Variants in DDX60 observed in about 807,000 individuals in gnomAD.
DDX60 encodes probable ATP-dependent RNA helicase DDX60.
A neutral mutation model predicts 212.8 loss-of-function variants in DDX60; 165 were observed. The ratio of observed to expected loss-of-function variants is 0.78; its 90% CI spans 0.68 to 0.88. The LOEUF is 0.88. DDX60 is among the 40% of genes least tolerant of loss of function. The pLI, the probability that DDX60 is intolerant of heterozygous loss-of-function variation, is 0.00. For synonymous variants in DDX60, 703 were observed against 685.3 expected (o/e 1.03, Z -0.40); for missense variants, 1,905 against 2,003.9 (o/e 0.95, Z 0.94).
rs550625 is a variant in DDX60, at chr4:168,276,146, C to T, written c.2014G>A (p.Val672Met). The change falls in exon 15 of 38, where the codon GTG (valine) becomes ATG (methionine). Residue 672 changes from valine to methionine, a missense_variant. Physicochemically the swap from Val to Met is conservative, Grantham distance 21. Transcript: ENST00000393743. Reference sequence around the variant, plus strand: ...ATCAAGGAGTGGATCCTTTTCATCACCTGAACAGCTATACTTAAATCTTTC... The same window carrying T: ...ATCAAGGAGTGGATCCTTTTCATCATCTGAACAGCTATACTTAAATCTTTC... The part of the protein sequence containing the change: ...TTKDLSIAVQ[V>M]MKRIHSLMEK... The T allele has an allele frequency of 0.077, 123,859 of 1,611,760 alleles. 5,784 individuals are homozygous for T. The highest frequency in any genetic ancestry group is 0.19 in the African/African-American group (14,240 of 74,842).
chr4:168,297,366 GAAAGAAAGAAA>G (rs1736432788), intron 6 of DDX60, among the ~76,000 whole-genome samples: 1 of 54,112 alleles, frequency 1.8e-5, no homozygotes, highest in Non-Finnish European at 3.4e-5. Flanking sequence ...AAGAAAGAAA[GAAAGAAAGAAA>G]GAAAGAGAAA....
intron 3 of DDX60, 61 bp from the exon 4 acceptor site, chr4:168,308,256 C>A: frequency 1.9e-6 from 2 of 1,026,710 alleles, no homozygotes; most frequent in Non-Finnish European, 2.8e-6. Flanking sequence ...TCCAAAAAGG[C>A]ATCGTTCTTA....
intron 4 of DDX60, 75 bp downstream of exon 4, chr4:168,307,931 A>AAT: frequency 6.0e-6 from 5 of 839,008 alleles, no homozygotes; most frequent in South Asian, 7.7e-5. Context: ...TAATAAGAAA[A>AAT]ATATATATAT....
intron 22 of DDX60, among the ~76,000 whole-genome samples, 191 bp downstream of exon 22, chr4:168,267,391 A>C (rs752012388): frequency 1.3e-5 from 2 of 152,202 alleles, no homozygotes; most frequent in African/African-American, 2.4e-5. Flanking sequence ...GTATTCAGGC[A>C]TTGTTGAAGA....
chr4:168,291,080 A>G (rs1433674493), intron 8 of DDX60, among the ~76,000 whole-genome samples: 1 of 152,184 alleles, frequency 6.6e-6, no homozygotes, highest in African/African-American at 2.4e-5. Context: ...ACAACCATCA[A>G]AGTCTTCTTA....
intron 3 of DDX60, among the ~76,000 whole-genome samples, 194 bp downstream of exon 3, chr4:168,310,804 G>GA (rs1431242415): frequency 1.3e-5 from 2 of 152,106 alleles, no homozygotes; most frequent in East Asian, 1.9e-4. Context: ...CATGAATTTA[G>GA]AAAAAATATA....
intron 8 of DDX60, among the ~76,000 whole-genome samples, chr4:168,289,958 C>A (rs1736015913): frequency 6.6e-6 from 1 of 152,184 alleles, no homozygotes. Flanking sequence ...CTACAATGCA[C>A]TCTCTGCATT....
In DDX60 at chr4:168,283,696, T is replaced by C. The variant is rs1013320595; in HGVS notation, c.1562-90A>G. On this transcript the variant is annotated intron_variant, in intron 12 of 37. Transcript: ENST00000393743. Reference sequence around the variant, plus strand: ...TTCATATTATTCCACATCCAGTAGTTAAATTAGTGGAAAAGTAATTTAATC... The same window carrying C: ...TTCATATTATTCCACATCCAGTAGTCAAATTAGTGGAAAAGTAATTTAATC... 22 of 896,938 alleles carry C rather than the reference T, an allele frequency of 2.5e-5. No individual in the cohort carries two copies. The Admixed American group carries it at 6.5e-4, about 26-fold the overall frequency. 55.6% of individuals were successfully genotyped at this position (896,938 alleles called of 1,614,324 possible).
intron 16 of DDX60, 33 bp from the exon 17 acceptor site, chr4:168,274,116 A>G: frequency 6.2e-7 from 1 of 1,612,304 alleles, no homozygotes; most frequent in Non-Finnish European, 8.5e-7. Context: ...CATGTCAAGA[A>G]ACTGAACCGT....
At chr4:168,300,409 G>C (rs544012140) in intron 6 of DDX60, among the ~76,000 whole-genome samples, 1 of 151,870 alleles carries the variant, frequency 6.6e-6, no homozygotes, top group African/African-American at 2.4e-5. Context: ...GCATGGTGGC[G>C]GGCACCTGTA....
chr4:168,280,343 C>G lies in DDX60; in HGVS notation c.1970G>C (p.Ser657Thr). 1 of 1,610,720 alleles carries G rather than the reference C, an allele frequency of 6.2e-7. No individual in the cohort carries two copies. Among genetic ancestry groups the G allele is most frequent in the Middle Eastern group, 1.7e-4 (1 of 6,038 alleles). Residue 657 changes from serine to threonine, a missense_variant, in exon 14 of 38, where the codon AGT becomes ACT. By Grantham distance (58) the Ser-to-Thr change is moderately conservative. Transcript: ENST00000393743. ...CLKAWKEHCR[S>T]EEGKTTKDLS... ...AAAACAGAATTACATACCTTCTTCA[C>G]TTCGGCAATGTTCTTTCCAGGCTTT...
intron 6 of DDX60, among the ~76,000 whole-genome samples, chr4:168,300,497 GCCACTGCACT>G (rs1357612545): frequency 6.6e-6 from 1 of 151,826 alleles, no homozygotes; most frequent in Non-Finnish European, 1.5e-5. Context: ...CCGAGATCAT[GCCACTGCACT>G]CCAACCTGGG....
rs766476854 is a variant in DDX60, at chr4:168,308,171, A to G, written c.99T>C (p.Phe33=). The G allele has an allele frequency of 2.5e-6, 4 of 1,570,252 alleles. No individual in the cohort carries two copies. Among genetic ancestry groups the G allele is most frequent in the Non-Finnish European group, 3.5e-6 (4 of 1,152,492 alleles). The change falls in exon 4 of 38, where the codon TTT becomes TTC. Residue 33 remains phenylalanine, a synonymous_variant. Coordinates refer to ENST00000393743, the MANE Select transcript of DDX60 (RefSeq NM_017631.6). ...CAATCAAAAAAAATTCAGATTCAAC[A>G]AAATCATTGAATAAACTGGAATATC... ...KAEYSSLFND[F]VESEFFLIDG... is the part of the protein sequence containing the mutation.
chr4:168,223,027 C>T lies in DDX60; in HGVS notation c.4825-1146G>A, dbSNP rs143935889. Reference sequence around the variant, plus strand: ...AGTGACTTTCAGGTGACTGCAGTAACTATTCCTTCACTTTTCATAAAATTC... The same window carrying T: ...AGTGACTTTCAGGTGACTGCAGTAATTATTCCTTCACTTTTCATAAAATTC... On this transcript the variant is annotated intron_variant, in intron 35 of 37. Coordinates refer to ENST00000393743, the MANE Select transcript of DDX60 (RefSeq NM_017631.6). Among the ~76,000 whole-genome samples, 348 of 152,180 alleles carry T rather than the reference C, an allele frequency of 2.3e-3. 2 individuals carry two copies. Among genetic ancestry groups the T allele is most frequent in the African/African-American group, 7.5e-3 (310 of 41,552 alleles).
chr4:168,217,487 T>C (rs965835634), intron 37 of DDX60, among the ~76,000 whole-genome samples: 4 of 152,154 alleles, frequency 2.6e-5, no homozygotes, highest in Admixed American at 1.3e-4. Context: ...CAACAAGATA[T>C]GGTAAGCAGA....
intron 30 of DDX60, among the ~76,000 whole-genome samples, chr4:168,242,424 C>T (rs1466441366): frequency 1.3e-5 from 2 of 152,210 alleles, no homozygotes; most frequent in Non-Finnish European, 2.9e-5. Context: ...GGCACTATAC[C>T]CTGCAAAGCC....
chr4:168,287,319 T>C (rs1735904068), intron 9 of DDX60, 116 bp from the exon 10 acceptor site: 1 of 939,802 alleles, frequency 1.1e-6, no homozygotes, highest in Non-Finnish European at 1.6e-6. Flanking sequence ...CATAGTGAAA[T>C]TTTTAGTGAG....
intron 7 of DDX60, among the ~76,000 whole-genome samples, chr4:168,292,342 G>T (rs1053782027): frequency 2.0e-5 from 3 of 152,038 alleles, no homozygotes; most frequent in Admixed American, 1.3e-4. Context: ...ACCATGCCCA[G>T]CTGAATTATT....
At chr4:168,228,071 CT>C (rs1733321167) in intron 33 of DDX60, among the ~76,000 whole-genome samples, 1 of 152,048 alleles carries the variant, frequency 6.6e-6, no homozygotes, top group African/African-American at 2.4e-5. Context: ...TTAAACAAAC[CT>C]AGATCACATT....
Sources: gnomAD v4.1 joint callset for allele counts (sites outside exome capture counted in the v4.1 genomes callset) on GRCh38, gnomAD v4.1.1 for gene constraint, MANE v1.5 for transcripts, NCBI Gene and HGNC (gene_info 2026-07-23, HGNC 2026-07-21) for gene names.